Variants in SNX10 observed in about 807,000 individuals in gnomAD.
The protein encoded by SNX10 is sorting nexin 10.
SNX10 carries 25 observed loss-of-function variants against 28.5 expected under a neutral mutation model. The ratio of observed to expected loss-of-function variants is 0.88; its 90% CI spans 0.64 to 1.22. The LOEUF is 1.22. Ranked by LOEUF, SNX10 falls within the 50% of genes most tolerant of loss-of-function variation. The pLI is 0.00. For missense variants in SNX10, 223 were observed against 242.6 expected (o/e 0.92, Z 0.54); for synonymous variants, 62 against 81.4 (o/e 0.76, Z 1.28).
chr7:26,354,282 A>G (rs182243042), intron 2 of SNX10: 1 of 152,256 alleles, frequency 6.6e-6, no homozygotes, highest in African/African-American at 2.4e-5. Flanking sequence ...TGTATGCCCT[A>G]TTTGGGTGAA....
At chr7:26,346,343 G>A in intron 1 of SNX10, 77 bp from the exon 2 acceptor site, 1 of 881,134 alleles carries the variant, frequency 1.1e-6, no homozygotes, top group South Asian at 1.3e-5. Context: ...AGGGGATTTG[G>A]GTGGGAGGCC....
Position 26,346,484 on chromosome 7 carries a change from CA to C in SNX10, c.24+23del. Reference sequence around the variant, plus strand: ...AGAAAGAGGTATGTCATCACAAATCCAAAAATAAATAACCCACTTATTTTGA... The same window carrying C: ...AGAAAGAGGTATGTCATCACAAATCCAAAATAAATAACCCACTTATTTTGA... On this transcript the variant is annotated intron_variant, in intron 2 of 6. Transcript: ENST00000338523. The C allele has an allele frequency of 1.9e-6, 3 of 1,579,830 alleles. No homozygotes were observed. Among genetic ancestry groups the C allele is most frequent in the Non-Finnish European group, 2.6e-6 (3 of 1,149,018 alleles).
chr7:26,313,074 C>G (rs1322837392), intron 1 of SNX10, among the ~76,000 whole-genome samples: 1 of 152,152 alleles, frequency 6.6e-6, no homozygotes, highest in African/African-American at 2.4e-5. Flanking sequence ...GCGTACTGTT[C>G]ATAGTAGCAC....
In SNX10 at chr7:26,351,646, G is replaced by GTTTTTTTTT. The variant is rs982361856; in HGVS notation, c.24+5184_24+5192dup. On this transcript the variant is annotated intron_variant, in intron 2 of 6. Coordinates refer to ENST00000338523, the MANE Select transcript of SNX10 (RefSeq NM_013322.3). ...AAAACTAAAGCAATCAAGCAGTCTGGTTTTTTTTTTTTGTTTTTTTTTTTT... is the reference window on the plus strand; with the variant it reads ...AAAACTAAAGCAATCAAGCAGTCTGGTTTTTTTTTTTTTTTTTTTTTGTTTTTTTTTTTT... Among the ~76,000 whole-genome samples, 69 of 112,622 alleles carry GTTTTTTTTT rather than the reference G, an allele frequency of 6.1e-4. 5 individuals carry two copies. Among genetic ancestry groups the GTTTTTTTTT allele is most frequent in the Middle Eastern group, 6.3e-3 (1 of 158 alleles). 73.9% of individuals were successfully genotyped at this position (112,622 alleles called of 152,430 possible).
Position 26,364,639 on chromosome 7 carries a change from A to G in SNX10, c.212+4A>G, listed in dbSNP as rs183941048. 1.3e-6 allele frequency: 2 copies of G among 1,590,116 alleles called. No individual in the cohort carries two copies. ...TCCAAAGTAATGCGTTGCTGGTGTAAGTGATTTAGAGTATACTGTGGAGAC... is the reference window on the plus strand; with the variant it reads ...TCCAAAGTAATGCGTTGCTGGTGTAGGTGATTTAGAGTATACTGTGGAGAC... On this transcript the variant is annotated splice_donor_region_variant and intron_variant, in intron 4 of 6. Transcript: ENST00000338523. The surrounding 1 kb of genome is among the most constrained non-coding windows in gnomAD (Gnocchi z 4.9).
At position 26,365,118 on chromosome 7, in the gene SNX10, G is replaced by A. The variant is rs897553060; in HGVS notation, c.284G>A (p.Arg95His). Residue 95 changes from arginine (R) to histidine (H), a missense_variant, in exon 5 of 7, where the codon CGC becomes CAC. Physicochemically the swap from Arg to His is conservative, Grantham distance 29. Transcript: ENST00000338523. ...MNNRQHVDQR[R>H]QGLEDFLRKV... Reference sequence around the variant, plus strand: ...AATCGCCAGCACGTGGATCAGCGTCGCCAGGGTCTGGAAGATTTCCTCAGA... The same window carrying A: ...AATCGCCAGCACGTGGATCAGCGTCACCAGGGTCTGGAAGATTTCCTCAGA... 3.1e-6 allele frequency: 5 copies of A among 1,612,216 alleles called. No individual in the cohort carries two copies. The highest frequency in any genetic ancestry group is 1.3e-5 in the African/African-American group (1 of 74,870).
chr7:26,311,315 AATTTTTAAT>A (rs1441586416), intron 1 of SNX10, among the ~76,000 whole-genome samples: 1 of 152,102 alleles, frequency 6.6e-6, no homozygotes, highest in Non-Finnish European at 1.5e-5. Context: ...AGGCCTGGCT[AATTTTTAAT>A]ATTTTTAGTA....
chr7:26,374,299 C>T lies in SNX10; in HGVS notation c.*1727C>T, dbSNP rs1006008539. The T allele has an allele frequency of 1.3e-5, 2 of 151,940 alleles. No individual in the cohort carries two copies. The highest frequency in any genetic ancestry group is 3.8e-4 in the East Asian group (2 of 5,196). The allele number at this position is 151,940 out of a possible 1,614,324, so 9.4% of individuals were successfully genotyped here. ...ACTTAGTATGTAAATGTCACGAGATCATTTTTACATTAAACGTGAAAAAAA... is the reference window on the plus strand; with the variant it reads ...ACTTAGTATGTAAATGTCACGAGATTATTTTTACATTAAACGTGAAAAAAA... On this transcript the variant is annotated 3_prime_UTR_variant, in exon 7 of 7. Coordinates refer to ENST00000338523, the MANE Select transcript of SNX10 (RefSeq NM_013322.3).
At chr7:26,328,612 G>T (rs923357146) in intron 1 of SNX10, among the ~76,000 whole-genome samples, 1 of 152,166 alleles carries the variant, frequency 6.6e-6, no homozygotes, top group Admixed American at 6.5e-5. Context: ...AGGCAACAGG[G>T]AATCTGTGGC....
intron 2 of SNX10, among the ~76,000 whole-genome samples, chr7:26,349,343 A>AAT (rs1788506571): frequency 6.8e-6 from 1 of 146,632 alleles, no homozygotes; most frequent in Admixed American, 6.8e-5. Flanking sequence ...AAATTTAGTA[A>AAT]TTTTTTTTTT....
chr7:26,329,349 T>A (rs1185886402), intron 1 of SNX10, among the ~76,000 whole-genome samples: 2 of 152,346 alleles, frequency 1.3e-5, no homozygotes, highest in East Asian at 3.9e-4. Context: ...CCTGGTTTCC[T>A]TTCTTCTGTC....
At chr7:26,297,568 A>T (rs1786157983) in intron 1 of SNX10, among the ~76,000 whole-genome samples, 1 of 152,016 alleles carries the variant, frequency 6.6e-6, no homozygotes, top group Admixed American at 6.6e-5. Context: ...CAGCTCAGGC[A>T]CCCCCAATCT....
chr7:26,315,144 G>C (rs1787024697), intron 1 of SNX10, among the ~76,000 whole-genome samples: 1 of 152,130 alleles, frequency 6.6e-6, no homozygotes, highest in Non-Finnish European at 1.5e-5. Flanking sequence ...TAATTGGATT[G>C]GTCAGGAGTA....
rs142856035 is a variant in SNX10, at chr7:26,317,956, C to T, written c.-24+25870C>T. 3.5e-3 allele frequency among the ~76,000 whole-genome samples: 534 copies of T among 152,176 alleles called. 1 individual carries two copies. Among genetic ancestry groups the T allele is most frequent in the Non-Finnish European group, 4.3e-3 (291 of 68,002 alleles). On this transcript the variant is annotated intron_variant, in intron 1 of 6. Transcript: ENST00000338523. ...GATTACAGACGTGAGCCACCACGCC[C>T]GGCTTTCATGGTGATCTTCTAATAG...
intron 1 of SNX10, among the ~76,000 whole-genome samples, chr7:26,345,789 C>G (rs1435422298): frequency 6.6e-6 from 1 of 152,124 alleles, no homozygotes; most frequent in Admixed American, 6.5e-5. Flanking sequence ...TGGCAGGGAG[C>G]AGGTGTTAAA....
At chr7:26,311,505 G>T (rs929739213) in intron 1 of SNX10, among the ~76,000 whole-genome samples, 4 of 152,146 alleles carry the variant, frequency 2.6e-5, no homozygotes, top group African/African-American at 9.7e-5. Context: ...TAGGGCTGTT[G>T]CACTGGGGGG....
intron 5 of SNX10, among the ~76,000 whole-genome samples, chr7:26,366,300 A>C (rs959187920): frequency 6.6e-6 from 1 of 152,200 alleles, no homozygotes; most frequent in African/African-American, 2.4e-5. Flanking sequence ...ATTAATATTA[A>C]TATTTATTTC....
In SNX10 at chr7:26,360,709, C is replaced by CTTCA. The variant is rs1789031415; in HGVS notation, c.25-265_25-262dup. The CTTCA allele has an allele frequency of 5.1e-6, 3 of 587,168 alleles. No individual in the cohort carries two copies. In the East Asian group the frequency reaches 1.5e-4, roughly 29 times the overall value. 36.4% of individuals were successfully genotyped at this position (587,168 alleles called of 1,614,324 possible). ...AAATCAGTTTTACAGTATACTTTGT[C>CTTCA]TTCAGATAACCAGTAAAACTATCCA... On this transcript the variant is annotated intron_variant, in intron 2 of 6. Transcript: ENST00000338523.
chr7:26,295,623 G>T (rs1429678144), intron 1 of SNX10, among the ~76,000 whole-genome samples: 2 of 152,184 alleles, frequency 1.3e-5, no homozygotes, highest in African/African-American at 4.8e-5. Flanking sequence ...TTCCATTATA[G>T]CCTGATAGTT....
Sources: gnomAD v4.1 joint callset for allele counts (sites outside exome capture counted in the v4.1 genomes callset) on GRCh38, gnomAD v4.1.1 for gene constraint, Gnocchi (gnomAD v3.1) non-coding constraint, MANE v1.5 for transcripts, NCBI Gene and HGNC (gene_info 2026-07-23, HGNC 2026-07-21) for gene names.